CNTNAP5: variants seen among roughly 807,000 people sequenced by gnomAD.
CNTNAP5 encodes the protein contactin associated protein family member 5, also known as contactin-associated protein-like 5.
CNTNAP5 carries 72 observed loss-of-function variants against 150.2 expected under a neutral mutation model. That is an observed-to-expected ratio of 0.48 (90% CI 0.40 to 0.58). CNTNAP5 has a LOEUF of 0.58. Among genes scored for constraint, CNTNAP5 ranks in the 20% least tolerant of loss-of-function variants. The pLI, the probability that CNTNAP5 is intolerant of heterozygous loss-of-function variation, is 0.00. For missense variants in CNTNAP5, 1,636 were observed against 1,626.2 expected (o/e 1.01, Z -0.10); for synonymous variants, 672 against 619.8 (o/e 1.08, Z -1.25).
intron 4 of CNTNAP5, among the ~76,000 whole-genome samples, chr2:124,424,755 C>G (rs548181430): frequency 2.4e-4 from 37 of 152,134 alleles, no homozygotes; most frequent in African/African-American, 8.9e-4. Context: ...TTCAGAGATA[C>G]AAAAATAAAT....
intron 1 of CNTNAP5, among the ~76,000 whole-genome samples, chr2:124,132,972 ATTCCT>A (rs1456887066): frequency 6.6e-6 from 1 of 152,136 alleles, no homozygotes; most frequent in Non-Finnish European, 1.5e-5. Flanking sequence ...TCTCTCTTTA[ATTCCT>A]TAAAAGCAAT....
rs1681016752 is a variant in CNTNAP5, at chr2:124,764,068, C to A, written c.2454C>A (p.Phe818Leu). ...CGGAATTCAGTGCCGATATTTCCTT[C>A]TTTTTTAAAACCACAGCATTATCCG... ...FHAEFSADIS[F>L]FFKTTALSGV... Residue 818 changes from phenylalanine (F) to leucine (L), a missense_variant, in exon 16 of 24, where the codon TTC (phenylalanine) becomes TTA (leucine). Transcript: ENST00000682447. 1 of 1,613,146 alleles carries A rather than the reference C, an allele frequency of 6.2e-7. No homozygotes were observed. Among genetic ancestry groups the A allele is most frequent in the East Asian group, 2.2e-5 (1 of 44,862 alleles).
At chr2:124,515,348 A>G (rs1286437560) in intron 8 of CNTNAP5, among the ~76,000 whole-genome samples, 2 of 152,212 alleles carry the variant, frequency 1.3e-5, no homozygotes, top group Non-Finnish European at 2.9e-5. Context: ...TCCCACTGGG[A>G]AGAGGAGACT....
At chr2:124,715,878 T>A (rs1474491526) in intron 13 of CNTNAP5, among the ~76,000 whole-genome samples, 1 of 152,138 alleles carries the variant, frequency 6.6e-6, no homozygotes, top group Non-Finnish European at 1.5e-5. Flanking sequence ...ACAAATAAAA[T>A]GACTACCAAG....
chr2:124,568,534 CT>C (rs1237665539), intron 11 of CNTNAP5, among the ~76,000 whole-genome samples: 1 of 152,178 alleles, frequency 6.6e-6, no homozygotes, highest in East Asian at 1.9e-4. Flanking sequence ...ATAACCAGAG[CT>C]TTTCACATGC....
chr2:124,346,409 C>G (rs1306840111), intron 3 of CNTNAP5, among the ~76,000 whole-genome samples: 1 of 152,072 alleles, frequency 6.6e-6, no homozygotes, highest in East Asian at 1.9e-4. Context: ...AATAGTGCAC[C>G]TTTTTTCAAA....
At chr2:124,395,338 C>A (rs1691218729) in intron 3 of CNTNAP5, among the ~76,000 whole-genome samples, 1 of 152,066 alleles carries the variant, frequency 6.6e-6, no homozygotes, top group Admixed American at 6.6e-5. Flanking sequence ...GGGGAACAGA[C>A]CTGGGTTCAC....
At chr2:124,383,422 G>A (rs1196426595) in intron 3 of CNTNAP5, among the ~76,000 whole-genome samples, 2 of 152,164 alleles carry the variant, frequency 1.3e-5, no homozygotes, top group Non-Finnish European at 2.9e-5. Flanking sequence ...ATTGCAGCCT[G>A]TCTGCACCAT....
At chr2:124,073,757 A>G (rs141224039) in intron 1 of CNTNAP5, among the ~76,000 whole-genome samples, 3,215 of 152,240 alleles carry the variant, frequency 0.021, 49 homozygotes, top group Non-Finnish European at 0.029. Flanking sequence ...AATTAGTACA[A>G]CCACTATGGA....
chr2:124,747,927 G>A (rs566719184), intron 14 of CNTNAP5, among the ~76,000 whole-genome samples: 2 of 148,078 alleles, frequency 1.4e-5, no homozygotes, highest in South Asian at 2.2e-4. Flanking sequence ...ATGAGCCACC[G>A]CACTTGGCCC....
intron 12 of CNTNAP5, among the ~76,000 whole-genome samples, chr2:124,628,129 T>C (rs879228538): frequency 2.6e-4 from 40 of 152,164 alleles, no homozygotes; most frequent in Non-Finnish European, 5.3e-4. Flanking sequence ...GGAACCAAGT[T>C]GTAAAACACA....
rs1380514452 is a variant in CNTNAP5 at position 124,915,083 on chromosome 2, C to T, written c.*795C>T. The T allele has an allele frequency of 6.2e-6, 1 of 162,126 alleles. No individual in the cohort carries two copies. Among genetic ancestry groups the T allele is most frequent in the African/African-American group, 2.4e-5 (1 of 41,288 alleles). The allele number at this position is 162,126 out of a possible 1,614,324, so 10.0% of individuals were successfully genotyped here. The stretch of plus-strand genomic sequence containing the variant: ...TTCCATATCTTCAAAATGCCTCCTC[C>T]AATTTTGTAAGAATGCTAGCTAGGT... On this transcript the variant is annotated 3_prime_UTR_variant, in exon 24 of 24. Transcript: ENST00000682447.
intron 13 of CNTNAP5, among the ~76,000 whole-genome samples, chr2:124,694,367 T>C (rs1310182088): frequency 6.6e-6 from 1 of 152,156 alleles, no homozygotes; most frequent in Non-Finnish European, 1.5e-5. Context: ...CCCTAGAACC[T>C]GCATTCCTGC....
chr2:124,491,943 A>G (rs147251454), intron 7 of CNTNAP5, among the ~76,000 whole-genome samples: 1 of 151,802 alleles, frequency 6.6e-6, no homozygotes, highest in Admixed American at 6.6e-5. Flanking sequence ...TTATTATATT[A>G]TTTGGGTTTT....
intron 13 of CNTNAP5, among the ~76,000 whole-genome samples, chr2:124,711,144 A>T (rs931327041): frequency 6.6e-6 from 1 of 151,736 alleles, no homozygotes; most frequent in Non-Finnish European, 1.5e-5. Context: ...GGTGGCACGC[A>T]CCTGTAATCC....
In CNTNAP5 at chr2:124,914,312, CT is replaced by C. The variant is rs1678717976; in HGVS notation, c.*30del. 6.5e-7 allele frequency: 1 copy of C among 1,550,052 alleles called. No homozygotes were observed. Among genetic ancestry groups the C allele is most frequent in the Non-Finnish European group, 8.9e-7 (1 of 1,127,592 alleles). Reference sequence around the variant, plus strand: ...GAGAAACTGCAGGGTTCCTACTACTCTTTTTTCTTGTTGTTCAATTATCTCC... The same window carrying C: ...GAGAAACTGCAGGGTTCCTACTACTCTTTTTCTTGTTGTTCAATTATCTCC... On this transcript the variant is annotated 3_prime_UTR_variant, in exon 24 of 24. Transcript: ENST00000682447.
rs1381897783 is a variant in CNTNAP5, at chr2:124,866,763, G to A, written c.3348+1327G>A. Among the ~76,000 whole-genome samples, 2 of 152,074 alleles carry A rather than the reference G, an allele frequency of 1.3e-5. 1 individual carries two copies. Among genetic ancestry groups the A allele is most frequent in the Non-Finnish European group, 2.9e-5 (2 of 68,020 alleles). The stretch of plus-strand genomic sequence containing the variant: ...ATCCCCTTTAAAATCATGACCCTCA[G>A]CAAGCCCTTGCATCTGCCTATCAAT... On this transcript the variant is annotated intron_variant, in intron 20 of 23. Transcript: ENST00000682447.
intron 6 of CNTNAP5, among the ~76,000 whole-genome samples, chr2:124,458,322 G>T (rs967159584): frequency 1.1e-5 from 1 of 91,460 alleles, no homozygotes; most frequent in South Asian, 4.5e-4. Flanking sequence ...TATATAAAAT[G>T]GAATACTACT....
At chr2:124,405,055 C>T (rs1474626719) in intron 3 of CNTNAP5, among the ~76,000 whole-genome samples, 1 of 151,716 alleles carries the variant, frequency 6.6e-6, no homozygotes, top group Non-Finnish European at 1.5e-5. Flanking sequence ...GTGGGGGCGG[C>T]TGGGGAAAAG....
Sources: gnomAD v4.1 joint callset for allele counts (sites outside exome capture counted in the v4.1 genomes callset) on GRCh38, gnomAD v4.1.1 for gene constraint, MANE v1.5 for transcripts, NCBI Gene and HGNC (gene_info 2026-07-23, HGNC 2026-07-21) for gene names.